Variants in DECR1 observed in about 807,000 individuals in gnomAD.
The protein encoded by DECR1 is 2,4-dienoyl-CoA reductase 1.
In DECR1, 44 loss-of-function variants were observed where a neutral mutation model predicts 38.8. The observed-to-expected ratio is 1.13, with a 90% CI of 0.89 to 1.46. The LOEUF (loss-of-function observed/expected upper bound fraction) is 1.46, where lower values mean the gene tolerates loss of function less well. DECR1 is among the 40% of genes most tolerant of loss of function. The pLI is 0.00. For missense variants in DECR1, 428 were observed against 405.5 expected, an observed-to-expected ratio of 1.06 and a Z score of -0.48; for synonymous variants, 148 against 135.2, an observed-to-expected ratio of 1.09 and a Z score of -0.66.
chr8:90,005,256 A>G, intron 1 of DECR1: 1 of 447,542 alleles, frequency 2.2e-6, no homozygotes, highest in Non-Finnish European at 4.5e-6. Flanking sequence ...GGCTTTTCTT[A>G]TTTATGTAGA....
rs747815143 is a variant in DECR1 at position 90,036,948 on chromosome 8, C to T, written c.665+8C>T. On this transcript the variant is annotated splice_region_variant and intron_variant, in intron 6 of 9. Coordinates refer to ENST00000220764, the MANE Select transcript of DECR1 (RefSeq NM_001359.2). ...TGTGGAAGCCATGAGCAAGTAAGTA[C>T]TTCCTTGTCAATCCTGTTGCTGAAC... is the stretch of plus-strand genomic sequence containing the variant. 1.3e-6 allele frequency: 2 copies of T among 1,598,600 alleles called. No individual in the cohort carries two copies. The highest frequency in any genetic ancestry group is 3.3e-5 in the Admixed American group (2 of 59,770).
At chr8:90,006,223 TCA>T in intron 1 of DECR1, 10 of 704,098 alleles carry the variant, frequency 1.4e-5, no homozygotes, top group Non-Finnish European at 2.6e-5. Flanking sequence ...CCTGAACTTC[TCA>T]CAGTAGGGAG....
intron 1 of DECR1, among the ~76,000 whole-genome samples, chr8:90,013,182 C>T (rs546450320): frequency 2.5e-4 from 38 of 152,186 alleles, no homozygotes; most frequent in Middle Eastern, 6.8e-3. Context: ...ATGATGATGA[C>T]GACGATGATA....
intron 8 of DECR1, among the ~76,000 whole-genome samples, chr8:90,051,378 TG>T (rs1814088357): frequency 6.6e-6 from 1 of 152,054 alleles, no homozygotes; most frequent in South Asian, 2.1e-4. Context: ...AAGATTTTTT[TG>T]GGGACACAGC....
In DECR1 at chr8:90,020,764, A is replaced by G. The variant is rs901078062; in HGVS notation, c.418-145A>G. 2.3e-5 allele frequency: 13 copies of G among 560,726 alleles called. No individual in the cohort carries two copies. The Admixed American group carries it at 4.3e-4, about 19-fold the overall frequency. 34.7% of individuals were successfully genotyped at this position (560,726 alleles called of 1,614,324 possible). ...GAGGTTTTCACAGACTCAGACTACCAAATCTCATGGTATTGTTTCGTAGGT... is the reference window on the plus strand; with the variant it reads ...GAGGTTTTCACAGACTCAGACTACCGAATCTCATGGTATTGTTTCGTAGGT... On this transcript the variant is annotated intron_variant, in intron 4 of 9. Transcript: ENST00000220764.
At chr8:90,014,003 G>A (rs1329324900) in intron 1 of DECR1, among the ~76,000 whole-genome samples, 23 of 152,092 alleles carry the variant, frequency 1.5e-4, no homozygotes, top group Non-Finnish European at 4.4e-5. Context: ...GAAGGTAGGT[G>A]ATAGCTAATT....
Position 90,052,114 on chromosome 8 carries a change from G to A in DECR1, c.*217G>A, listed in dbSNP as rs1814114665. 4 of 511,266 alleles carry A rather than the reference G, an allele frequency of 7.8e-6. No homozygotes were observed. The South Asian group carries it at 8.0e-5, about 10-fold the overall frequency. The allele number at this position is 511,266 out of a possible 1,614,324, so 31.7% of individuals were successfully genotyped here. ...CATTAAAAAAAAAAAAAGGAGGCAT[G>A]GGGAGAGTAGGTAAAGGCTCCTCTT... On this transcript the variant is annotated 3_prime_UTR_variant, in exon 10 of 10. Transcript: ENST00000220764.
At position 90,006,230 on chromosome 8, in the gene DECR1, A is replaced by G. The variant is rs1409810818; in HGVS notation, c.69+4669A>G. ...TTGTACTACCTGAACTTCTCACAGT[A>G]GGGAGATGTCAGGACTGGGGAAGAA... On this transcript the variant is annotated intron_variant, in intron 1 of 9. Coordinates refer to ENST00000220764, the MANE Select transcript of DECR1 (RefSeq NM_001359.2). The G allele has an allele frequency of 7.1e-6, 5 of 704,118 alleles. No individual in the cohort carries two copies. In the South Asian group the frequency reaches 7.4e-5, roughly 10 times the overall value. 43.6% of individuals were successfully genotyped at this position (704,118 alleles called of 1,614,324 possible). A position where few individuals can be genotyped will look rare whatever the true frequency, so the allele number is the denominator to read the frequency against.
chr8:90,032,443 A>G (rs1336100029), intron 5 of DECR1, among the ~76,000 whole-genome samples: 3 of 152,116 alleles, frequency 2.0e-5, no homozygotes, highest in Non-Finnish European at 2.9e-5. Context: ...TTAAGAGTTC[A>G]CGTGATTAGA....
rs1016628332 is a variant in DECR1 at position 90,015,526 on chromosome 8, T to C, written c.70-1598T>C. On this transcript the variant is annotated intron_variant, in intron 1 of 9. Coordinates refer to ENST00000220764, the MANE Select transcript of DECR1 (RefSeq NM_001359.2). ...TTAACATCACATTATAAACATTTTCTTGTGCAATTTCCAGGTGATGAACAG... is the reference window on the plus strand; with the variant it reads ...TTAACATCACATTATAAACATTTTCCTGTGCAATTTCCAGGTGATGAACAG... The C allele has an allele frequency of 1.9e-4, 73 of 392,754 alleles. 1 individual carries two copies. Among genetic ancestry groups the C allele is most frequent in the Non-Finnish European group, 1.4e-4 (27 of 191,474 alleles). 24.3% of individuals were successfully genotyped at this position (392,754 alleles called of 1,614,324 possible).
At chr8:90,048,033 C>T (rs1386066996) in intron 8 of DECR1, among the ~76,000 whole-genome samples, 1 of 152,176 alleles carries the variant, frequency 6.6e-6, no homozygotes, top group African/African-American at 2.4e-5. Context: ...ACATTTAAAG[C>T]AGTGTGTAGA....
chr8:90,038,073 T>C (rs915772927), intron 6 of DECR1, among the ~76,000 whole-genome samples: 1 of 152,210 alleles, frequency 6.6e-6, no homozygotes, highest in African/African-American at 2.4e-5. Context: ...AATAAATATT[T>C]ATTGTGTACC....
At chr8:90,023,337 T>C (rs1813213074) in intron 5 of DECR1, among the ~76,000 whole-genome samples, 1 of 152,204 alleles carries the variant, frequency 6.6e-6, no homozygotes. Flanking sequence ...TAGTTTTGTG[T>C]ATTGATGTAT....
intron 1 of DECR1, 94 bp downstream of exon 1, chr8:90,001,655 A>G (rs1812614878): frequency 8.2e-7 from 1 of 1,219,404 alleles, no homozygotes; most frequent in Non-Finnish European, 1.2e-6. Flanking sequence ...GAGCGAGGAC[A>G]AGGCATCCTG....
intron 6 of DECR1, among the ~76,000 whole-genome samples, chr8:90,037,731 G>A (rs1244492674): frequency 6.6e-6 from 1 of 152,120 alleles, no homozygotes. Flanking sequence ...TTACAGGCAT[G>A]AGCCACTACA....
At chr8:90,025,063 T>C (rs1235170301) in intron 5 of DECR1, among the ~76,000 whole-genome samples, 1 of 152,222 alleles carries the variant, frequency 6.6e-6, no homozygotes, top group Non-Finnish European at 1.5e-5. Context: ...AGGGCTCTGT[T>C]CTGTTCCATT....
intron 5 of DECR1, among the ~76,000 whole-genome samples, chr8:90,026,560 G>A (rs1427694364): frequency 7.9e-5 from 12 of 151,960 alleles, no homozygotes; most frequent in African/African-American, 1.2e-4. Context: ...CTGTGGGATC[G>A]GTGGTGATAT....
At chr8:90,027,778 A>T (rs1813390192) in intron 5 of DECR1, among the ~76,000 whole-genome samples, 1 of 151,890 alleles carries the variant, frequency 6.6e-6, no homozygotes, top group Admixed American at 6.6e-5. Flanking sequence ...TTTTTTTAAA[A>T]AAAAATCGTG....
At position 90,001,669 on chromosome 8, in the gene DECR1, C is replaced by A. The variant is rs1172984144; in HGVS notation, c.69+108C>A. On this transcript the variant is annotated intron_variant, in intron 1 of 9. Coordinates refer to ENST00000220764, the MANE Select transcript of DECR1 (RefSeq NM_001359.2). ...GGAGCGAGGACAAGGCATCCTGGGG[C>A]GCAAAGAGAGAGGACAGGGCGTCCC... The A allele has an allele frequency of 3.8e-6, 4 of 1,051,664 alleles. No individual in the cohort carries two copies. The East Asian group carries it at 1.0e-4, about 27-fold the overall frequency. 65.1% of individuals were successfully genotyped at this position (1,051,664 alleles called of 1,614,324 possible). A position where few individuals can be genotyped will look rare whatever the true frequency, so the allele number is the denominator to read the frequency against.
Sources: gnomAD v4.1 joint callset for allele counts (sites outside exome capture counted in the v4.1 genomes callset) on GRCh38, gnomAD v4.1.1 for gene constraint, MANE v1.5 for transcripts, NCBI Gene and HGNC (gene_info 2026-07-23, HGNC 2026-07-21) for gene names.